FAM227B: variants seen among roughly 807,000 people sequenced by gnomAD.
The protein encoded by FAM227B is family with sequence similarity 227 member B, also known as protein FAM227B.
A neutral mutation model predicts 73.8 loss-of-function variants in FAM227B; 88 were observed. The ratio of observed to expected loss-of-function variants is 1.19; its 90% CI spans 1.00 to 1.42. The LOEUF is 1.42. Ranked by LOEUF, FAM227B falls within the 40% of genes most tolerant of loss-of-function variation. The pLI is 0.00. For missense variants in FAM227B, 632 were observed against 590.9 expected, an observed-to-expected ratio of 1.07 and a Z score of -0.72; for synonymous variants, 210 against 190.5, an observed-to-expected ratio of 1.10 and a Z score of -0.84.
At chr15:49,422,857 T>C (rs2049804717) in intron 11 of FAM227B, 3 of 647,968 alleles carry the variant, frequency 4.6e-6, no homozygotes, top group Non-Finnish European at 7.7e-6. Flanking sequence ...GTTCTAACAT[T>C]CTGAGCACAA....
In FAM227B at chr15:49,542,308, ATTG is replaced by A. The variant is rs371271980; in HGVS notation, c.748-505_748-503del. ...GAGATGATGAAATTATTTGGGTTGGATTGTTGTTGTTGTTTTAAAAATTTATTT... is the reference window on the plus strand; with the variant it reads ...GAGATGATGAAATTATTTGGGTTGGATTGTTGTTGTTTTAAAAATTTATTT... On this transcript the variant is annotated intron_variant, in intron 9 of 15. Transcript: ENST00000299338. Among the ~76,000 whole-genome samples the A allele has an allele frequency of 1.2e-3, 178 of 151,984 alleles. 2 individuals are homozygous for A. The highest frequency in any genetic ancestry group is 4.2e-3 in the African/African-American group (173 of 41,428).
intron 11 of FAM227B, among the ~76,000 whole-genome samples, chr15:49,448,045 T>C (rs1473141792): frequency 6.6e-6 from 1 of 151,700 alleles, no homozygotes; most frequent in Non-Finnish European, 1.5e-5. Flanking sequence ...CGAGAGCATA[T>C]ACAGATTTAT....
chr15:49,523,153 A>T (rs1282639643), intron 10 of FAM227B, among the ~76,000 whole-genome samples: 1 of 152,218 alleles, frequency 6.6e-6, no homozygotes, highest in Non-Finnish European at 1.5e-5. Context: ...TTGAAGCTAG[A>T]AGAGATGCTA....
intron 11 of FAM227B, among the ~76,000 whole-genome samples, chr15:49,448,249 G>GT (rs975860549): frequency 6.6e-6 from 1 of 151,642 alleles, no homozygotes; most frequent in Non-Finnish European, 1.5e-5. Context: ...CAACTCTTCT[G>GT]TTTTTTCTAC....
At chr15:49,340,931 A>C (rs1053530065) in intron 13 of FAM227B, among the ~76,000 whole-genome samples, 6 of 152,228 alleles carry the variant, frequency 3.9e-5, no homozygotes, top group Non-Finnish European at 8.8e-5. Context: ...ATTTTGAGTT[A>C]ATTTTTGTAT....
At chr15:49,341,038 T>G (rs1166968877) in intron 13 of FAM227B, among the ~76,000 whole-genome samples, 1 of 152,198 alleles carries the variant, frequency 6.6e-6, no homozygotes, top group African/African-American at 2.4e-5. Context: ...CCCCATTGCT[T>G]GTTTTTGTTG....
intron 11 of FAM227B, among the ~76,000 whole-genome samples, chr15:49,461,521 C>G (rs1256353414): frequency 6.6e-6 from 1 of 152,178 alleles, no homozygotes; most frequent in Non-Finnish European, 1.5e-5. Context: ...TATACTTCTC[C>G]TACTTACTGC....
intron 8 of FAM227B, among the ~76,000 whole-genome samples, chr15:49,572,133 G>T (rs1006607920): frequency 6.6e-6 from 1 of 151,674 alleles, no homozygotes; most frequent in Non-Finnish European, 1.5e-5. Flanking sequence ...TTGTTTTCTT[G>T]ATTTCTTTTT....
rs1184887619 is a variant in FAM227B at position 49,414,137 on chromosome 15, GAGTA to G, written c.1013-42742_1013-42739del. ...TCATAATGCACACTATTCGAATACA[GAGTA>G]AGTGTTGATTTAAAGTAATTAGCTG... On this transcript the variant is annotated intron_variant, in intron 11 of 15. Transcript: ENST00000299338. Among the ~76,000 whole-genome samples, 6 of 152,172 alleles carry G rather than the reference GAGTA, an allele frequency of 3.9e-5. No individual in the cohort carries two copies. The South Asian group carries it at 6.2e-4, about 16-fold the overall frequency.
chr15:49,605,973 C>T (rs141807277), intron 3 of FAM227B, among the ~76,000 whole-genome samples: 9 of 152,256 alleles, frequency 5.9e-5, no homozygotes, highest in African/African-American at 1.9e-4. Context: ...CTGCGGTCCA[C>T]GGCAAAGTTA....
intron 3 of FAM227B, among the ~76,000 whole-genome samples, chr15:49,602,010 A>G (rs1417419664): frequency 1.3e-5 from 2 of 152,320 alleles, no homozygotes; most frequent in African/African-American, 2.4e-5. Flanking sequence ...CTCCATGTGT[A>G]AAGGTACCAC....
chr15:49,501,180 G>A (rs1056754806), intron 11 of FAM227B, among the ~76,000 whole-genome samples: 1 of 152,324 alleles, frequency 6.6e-6, no homozygotes, highest in Admixed American at 6.5e-5. Flanking sequence ...TGCAGAAGCA[G>A]ATTTGGAATT....
intron 9 of FAM227B, among the ~76,000 whole-genome samples, chr15:49,555,365 C>T (rs1290448090): frequency 1.3e-5 from 2 of 152,146 alleles, no homozygotes; most frequent in Non-Finnish European, 2.9e-5. Context: ...TTTAAGAATG[C>T]TGAATATAGG....
intron 3 of FAM227B, among the ~76,000 whole-genome samples, chr15:49,597,614 G>A (rs542703681): frequency 1.3e-5 from 2 of 151,926 alleles, no homozygotes; most frequent in East Asian, 3.9e-4. Context: ...AATGAAATAA[G>A]ATCACAGCAG....
At chr15:49,508,498 T>G (rs2058742518) in intron 10 of FAM227B, 150 bp from the exon 11 acceptor site, 1 of 562,186 alleles carries the variant, frequency 1.8e-6, no homozygotes, top group African/African-American at 2.0e-5. Context: ...TAGGATTAGA[T>G]AAGTCATCTA....
intron 11 of FAM227B, among the ~76,000 whole-genome samples, chr15:49,403,920 A>C (rs2048344733): frequency 6.6e-6 from 1 of 152,112 alleles, no homozygotes. Context: ...CCCTCTTAAC[A>C]CTGCCGTAGC....
chr15:49,565,331 G>A (rs906419), intron 9 of FAM227B, among the ~76,000 whole-genome samples: 48,252 of 148,204 alleles, frequency 0.33, 8,605 homozygotes, highest in African/African-American at 0.46. Context: ...GCAGTGAGCC[G>A]TGATTGCGCC....
At chr15:49,381,490 G>A (rs1204236391) in intron 11 of FAM227B, among the ~76,000 whole-genome samples, 3 of 152,188 alleles carry the variant, frequency 2.0e-5, no homozygotes, top group African/African-American at 7.2e-5. Flanking sequence ...TGACATCCAT[G>A]AGAAGTAATA....
intron 10 of FAM227B, among the ~76,000 whole-genome samples, chr15:49,534,868 G>C (rs1235055659): frequency 6.6e-6 from 1 of 151,452 alleles, no homozygotes; most frequent in Non-Finnish European, 1.5e-5. Flanking sequence ...GAAATCAAAA[G>C]GGAAGTTAAA....
Sources: allele counts gnomAD v4.1 joint callset (sites outside exome capture counted in the v4.1 genomes callset), GRCh38; gene constraint gnomAD v4.1.1; transcripts MANE v1.5; gene names NCBI Gene and HGNC (gene_info 2026-07-23, HGNC 2026-07-21).